MYH11: variants seen among roughly 807,000 people sequenced by gnomAD.
MYH11 encodes myosin heavy chain 11, also known as myosin-11.
In MYH11, 80 loss-of-function variants were observed where a neutral mutation model predicts 246.6. That is an observed-to-expected ratio of 0.32 (90% CI 0.27 to 0.39). The LOEUF is 0.39. Ranked by LOEUF, MYH11 falls within the 10% of genes least tolerant of loss-of-function variation. MYH11 has a pLI of 1.00. For synonymous variants in MYH11, 1,071 were observed against 1,015.5 expected, an observed-to-expected ratio of 1.05 and a Z score of -1.04; for missense variants, 2,158 against 2,546.8, an observed-to-expected ratio of 0.85 and a Z score of 3.29.
intron 1 of MYH11, among the ~76,000 whole-genome samples, chr16:15,845,029 G>T (rs1286705016): frequency 6.6e-6 from 1 of 152,168 alleles, no homozygotes; most frequent in Non-Finnish European, 1.5e-5. Flanking sequence ...CCCAGACTTT[G>T]CAATCAGATG....
At chr16:15,743,663 T>G (rs1438287950) in intron 20 of MYH11, among the ~76,000 whole-genome samples, 1 of 152,320 alleles carries the variant, frequency 6.6e-6, no homozygotes, top group East Asian at 1.9e-4. Flanking sequence ...CCATTATGTA[T>G]CTGTCTCTGT....
chr16:15,718,450 G>GCGGCCATGGTGGGGGCCTCTAC lies in MYH11; in HGVS notation c.5172-34_5172-13dup. 1 of 1,550,458 alleles carries GCGGCCATGGTGGGGGCCTCTAC rather than the reference G, an allele frequency of 6.4e-7. No homozygotes were observed. Among genetic ancestry groups the GCGGCCATGGTGGGGGCCTCTAC allele is most frequent in the Non-Finnish European group, 8.7e-7 (1 of 1,151,230 alleles). On this transcript the variant is annotated splice_polypyrimidine_tract_variant and intron_variant, in intron 36 of 40. Transcript: ENST00000300036. ...CCTGGAGTGCGTTCCTGGGGGAAGGGCGGCCATGGTGGGGGCCTCTACCCT... is the reference window on the plus strand; with the variant it reads ...CCTGGAGTGCGTTCCTGGGGGAAGGGCGGCCATGGTGGGGGCCTCTACCGGCCATGGTGGGGGCCTCTACCCT...
At chr16:15,778,969 C>T in intron 6 of MYH11, 126 bp from the exon 7 acceptor site, 1 of 903,600 alleles carries the variant, frequency 1.1e-6, no homozygotes, top group Admixed American at 1.9e-5. Context: ...CTTGCGAACA[C>T]TCAGAACCCC....
rs116682419 is a variant in MYH11 at position 15,710,834 on chromosome 16, C to T, written c.5786+4075G>A. On this transcript the variant is annotated intron_variant, in intron 40 of 40. Coordinates refer to ENST00000300036, the MANE Select transcript of MYH11 (RefSeq NM_002474.3). ...CTGGGATTACAGGCATCTGCCACCA[C>T]GCCTAGCTGATTTTTGTGTTTTTAG... is the stretch of plus-strand genomic sequence containing the variant. Among the ~76,000 whole-genome samples, 658 of 152,196 alleles carry T rather than the reference C, an allele frequency of 4.3e-3. 1 individual carries two copies. The highest frequency in any genetic ancestry group is 0.013 in the African/African-American group (550 of 41,524).
chr16:15,718,269 G>GGA lies in MYH11; in HGVS notation c.5295+44_5295+45dup, dbSNP rs1567689565. ...TTGACTGGTGCAGGATCCTGCTGCA[G>GGA]GAGAGACAGTAGGCAGCGTGACTGT... On this transcript the variant is annotated intron_variant, in intron 37 of 40. Coordinates refer to ENST00000300036, the MANE Select transcript of MYH11 (RefSeq NM_002474.3). 2.5e-6 allele frequency: 4 copies of GGA among 1,604,714 alleles called. No individual in the cohort carries two copies. The Admixed American group carries it at 5.0e-5, about 20-fold the overall frequency.
chr16:15,729,634 T>C (rs1036781000), intron 27 of MYH11, among the ~76,000 whole-genome samples: 1 of 151,870 alleles, frequency 6.6e-6, no homozygotes, highest in Admixed American at 6.6e-5. Context: ...CACTGCAACC[T>C]TTACCTCCTG....
chr16:15,704,042 C>G lies in MYH11; in HGVS notation c.5868G>C (p.Glu1956Asp), dbSNP rs1332460597. The G allele has an allele frequency of 6.2e-7, 1 of 1,614,060 alleles. No homozygotes were observed. The highest frequency in any genetic ancestry group is 8.5e-7 in the Non-Finnish European group (1 of 1,180,018). The change falls in exon 41 of 41, where the codon GAG becomes GAC. Residue 1956 changes from glutamate to aspartate, a missense_variant. Around this residue, in one of 11 missense-constraint regions of MYH11, gnomAD observed 1,013 missense variants for 993.5 expected, o/e 1.02. Transcript: ENST00000300036. ...AGTCTGCGTCTCGAGTGTCCGTTTCCTCCTCAGAACCATCTGCATTTTCAA... is the reference window on the plus strand; with the variant it reads ...AGTCTGCGTCTCGAGTGTCCGTTTCGTCCTCAGAACCATCTGCATTTTCAA... ...RVIENADGSE[E>D]ETDTRDADFN...
intron 3 of MYH11, among the ~76,000 whole-genome samples, chr16:15,815,431 G>A (rs111482285): frequency 2.8e-3 from 429 of 152,004 alleles, no homozygotes; most frequent in Non-Finnish European, 4.6e-3. Flanking sequence ...AATTTAAAAC[G>A]CAATGGAAGG....
At chr16:15,728,878 C>T (rs1432745720) in intron 27 of MYH11, among the ~76,000 whole-genome samples, 2 of 151,446 alleles carry the variant, frequency 1.3e-5, no homozygotes, top group Admixed American at 6.6e-5. Context: ...CCAGCCTGGG[C>T]GACAGAGTGA....
intron 9 of MYH11, among the ~76,000 whole-genome samples, chr16:15,764,615 A>G (rs1448010724): frequency 1.3e-5 from 2 of 152,242 alleles, no homozygotes; most frequent in Non-Finnish European, 2.9e-5. Context: ...CGATGCTGTT[A>G]GAAGTCAGGA....
chr16:15,720,367 G>T (rs1233174579), intron 33 of MYH11, 55 bp from the exon 34 acceptor site: 30 of 1,573,452 alleles, frequency 1.9e-5, no homozygotes, highest in Non-Finnish European at 2.2e-5. Flanking sequence ...AGGTCCTTTG[G>T]CTCACCTAGG....
At chr16:15,735,631 CT>C in intron 25 of MYH11, 53 bp from the exon 26 acceptor site, 1 of 1,603,656 alleles carries the variant, frequency 6.2e-7, no homozygotes, top group Non-Finnish European at 8.5e-7. Flanking sequence ...GGTTTCCTCT[CT>C]TACAATGTGG....
At chr16:15,782,065 G>A (rs58476672) in intron 6 of MYH11, among the ~76,000 whole-genome samples, 22,710 of 152,058 alleles carry the variant, frequency 0.15, 2,052 homozygotes, top group South Asian at 0.32. Flanking sequence ...TTTAATAATA[G>A]AGATGGGATC....
At chr16:15,837,812 G>C in intron 2 of MYH11, 96 bp downstream of exon 2, 1 of 1,167,712 alleles carries the variant, frequency 8.6e-7, no homozygotes, top group South Asian at 1.2e-5. Flanking sequence ...TGGGAGTACA[G>C]GCATGAGCCA....
chr16:15,798,350 T>G (rs1378737070), intron 4 of MYH11, among the ~76,000 whole-genome samples: 3 of 152,168 alleles, frequency 2.0e-5, no homozygotes, highest in Non-Finnish European at 4.4e-5. Flanking sequence ...TATAAAATCT[T>G]TAGTTCAAGT....
chr16:15,725,165 A>T, intron 28 of MYH11, 173 bp from the exon 29 acceptor site: 3 of 644,398 alleles, frequency 4.7e-6, no homozygotes, highest in Non-Finnish European at 5.4e-6. Flanking sequence ...ACACACACAA[A>T]AAAAACAGAA....
chr16:15,772,664 C>T (rs989919601), intron 8 of MYH11, among the ~76,000 whole-genome samples: 2 of 152,048 alleles, frequency 1.3e-5, no homozygotes, highest in African/African-American at 4.8e-5. Flanking sequence ...CCAAGGGTTC[C>T]CCAACCCATA....
intron 1 of MYH11, among the ~76,000 whole-genome samples, chr16:15,841,345 C>G (rs1003338210): frequency 6.6e-6 from 1 of 152,174 alleles, no homozygotes; most frequent in Non-Finnish European, 1.5e-5. Flanking sequence ...GCCAAGTTGG[C>G]CAGGCTGGTC....
At chr16:15,735,073 G>T (rs1261865729) in intron 26 of MYH11, among the ~76,000 whole-genome samples, 1 of 151,682 alleles carries the variant, frequency 6.6e-6, no homozygotes, top group African/African-American at 2.4e-5. Context: ...CAGCTACTCA[G>T]GAGGCTGAGG....
Sources: allele counts gnomAD v4.1 joint callset (sites outside exome capture counted in the v4.1 genomes callset), GRCh38; gene constraint gnomAD v4.1.1; regional missense constraint gnomAD v4.1.1; transcripts MANE v1.5; gene names NCBI Gene and HGNC (gene_info 2026-07-23, HGNC 2026-07-21).